Variants in TBC1D1 observed in about 807,000 individuals in gnomAD.
TBC1D1 encodes the protein TBC1 (tre-2/USP6, BUB2, cdc16) domain family, member 1.
In TBC1D1, 89 loss-of-function variants were observed where a neutral mutation model predicts 125.6. That is an observed-to-expected ratio of 0.71 (90% confidence interval 0.60 to 0.85). TBC1D1 has a LOEUF of 0.85. Ranked by LOEUF, TBC1D1 falls within the 40% of genes least tolerant of loss-of-function variation. TBC1D1 has a pLI of 0.00. For synonymous variants in TBC1D1, 565 were observed against 564.1 expected (o/e 1.00, Z -0.02); for missense variants, 1,377 against 1,469.2 (o/e 0.94, Z 1.03).
At chr4:38,073,175 C>A (rs960751162) in intron 12 of TBC1D1, among the ~76,000 whole-genome samples, 2 of 152,148 alleles carry the variant, frequency 1.3e-5, no homozygotes, top group African/African-American at 4.8e-5. Context: ...TAGTGTAGTT[C>A]TGTGAGTAAC....
chr4:38,020,815 G>C, intron 5 of TBC1D1, 120 bp downstream of exon 5: 2 of 757,640 alleles, frequency 2.6e-6, no homozygotes, highest in Non-Finnish European at 2.2e-6. Context: ...TTTGTCTTTA[G>C]TTATTTACTT....
At chr4:37,911,881 T>C (rs1718703218) in intron 2 of TBC1D1, among the ~76,000 whole-genome samples, 1 of 152,218 alleles carries the variant, frequency 6.6e-6, no homozygotes, top group Admixed American at 6.5e-5. Flanking sequence ...AATAAATGCC[T>C]GCAGTTGTTT....
In TBC1D1 at chr4:38,027,845, A is replaced by T; in HGVS notation, c.1268A>T (p.Asn423Ile). Residue 423 changes from asparagine to isoleucine, a missense_variant, in exon 7 of 20, where the codon AAT becomes ATT. Around this residue, in one of 3 missense-constraint regions of TBC1D1, gnomAD observed 822 missense variants for 824.6 expected, o/e 1.00. Transcript: ENST00000261439. ...CAAAAGCACCTGACGACATTAACCA[A>T]TCAGGAGCAGGCGACTATTTTTGAA... 6.2e-7 allele frequency: 1 copy of T among 1,613,694 alleles called. No homozygotes were observed. Among genetic ancestry groups the T allele is most frequent in the East Asian group, 2.2e-5 (1 of 44,872 alleles).
intron 18 of TBC1D1, among the ~76,000 whole-genome samples, chr4:38,127,718 A>G (rs1268612114): frequency 2.0e-5 from 3 of 152,194 alleles, no homozygotes; most frequent in Admixed American, 6.5e-5. Context: ...CATAGGTATT[A>G]TAATTCCTAT....
intron 12 of TBC1D1, among the ~76,000 whole-genome samples, chr4:38,079,728 C>CAA (rs5857594): frequency 1.4e-3 from 197 of 140,996 alleles, no homozygotes; most frequent in African/African-American, 4.6e-3. Context: ...GACTCCATCT[C>CAA]AAAAAAAAAA....
chr4:38,106,163 T>G, intron 15 of TBC1D1, among the ~76,000 whole-genome samples: 1 of 152,182 alleles, frequency 6.6e-6, no homozygotes. Flanking sequence ...CAGCAGATGC[T>G]CAAAGAATAT....
At chr4:38,053,997 T>C (rs1751208518) in intron 11 of TBC1D1, among the ~76,000 whole-genome samples, 1 of 152,268 alleles carries the variant, frequency 6.6e-6, no homozygotes, top group African/African-American at 2.4e-5. Flanking sequence ...GTAATCTTTC[T>C]CTTTTCATGA....
At chr4:38,135,799 G>T (rs1334041080) in intron 19 of TBC1D1, among the ~76,000 whole-genome samples, 5 of 151,942 alleles carry the variant, frequency 3.3e-5, no homozygotes, top group Non-Finnish European at 7.4e-5. Context: ...TGGCACAAGT[G>T]TTGTCACATT....
chr4:38,010,824 C>T (rs76563269), intron 2 of TBC1D1, among the ~76,000 whole-genome samples: 6,083 of 152,242 alleles, frequency 0.04, 412 homozygotes, highest in African/African-American at 0.14. Context: ...TCTCAATTAC[C>T]GTAAAGGATC....
intron 2 of TBC1D1, among the ~76,000 whole-genome samples, chr4:37,914,171 A>G (rs1719219092): frequency 6.6e-6 from 1 of 152,098 alleles, no homozygotes; most frequent in Non-Finnish European, 1.5e-5. Flanking sequence ...GTTAACTACC[A>G]CCTAATTGAT....
intron 12 of TBC1D1, among the ~76,000 whole-genome samples, chr4:38,079,868 C>T (rs1251036904): frequency 3.9e-5 from 6 of 152,146 alleles, no homozygotes; most frequent in African/African-American, 1.2e-4. Context: ...TGTCACATAA[C>T]GTGAAATATC....
chr4:37,939,168 C>G (rs1222316114), intron 2 of TBC1D1, among the ~76,000 whole-genome samples: 3 of 152,156 alleles, frequency 2.0e-5, no homozygotes, highest in African/African-American at 4.8e-5. Flanking sequence ...CCTATTTCTC[C>G]ACATCCTCTC....
Position 38,091,693 on chromosome 4 carries a change from C to A in TBC1D1, c.2236+1576C>A, listed in dbSNP as rs531737176. Among the ~76,000 whole-genome samples, 172 of 152,302 alleles carry A rather than the reference C, an allele frequency of 1.1e-3. 1 individual carries two copies. The highest frequency in any genetic ancestry group is 4.0e-3 in the African/African-American group (166 of 41,564). On this transcript the variant is annotated intron_variant, in intron 13 of 19. Coordinates refer to ENST00000261439, the MANE Select transcript of TBC1D1 (RefSeq NM_015173.4). ...GCTGGCTTCTTTGTGGTGAGGACAG[C>A]TATAATTGGTGAGGCAAAACCAGTG...
At chr4:37,906,112 C>T (rs751809581) in intron 2 of TBC1D1, among the ~76,000 whole-genome samples, 22 of 152,148 alleles carry the variant, frequency 1.4e-4, no homozygotes, top group Non-Finnish European at 2.9e-4. Flanking sequence ...TCTGCTGCTG[C>T]AGGCTTCATC....
chr4:38,017,250 A>G (rs1742944943), intron 3 of TBC1D1, among the ~76,000 whole-genome samples: 1 of 152,244 alleles, frequency 6.6e-6, no homozygotes, highest in South Asian at 2.1e-4. Flanking sequence ...GAGACTAAAC[A>G]TACTCCAAAT....
At chr4:38,099,958 A>G (rs1409915018) in intron 14 of TBC1D1, among the ~76,000 whole-genome samples, 2 of 152,238 alleles carry the variant, frequency 1.3e-5, no homozygotes, top group African/African-American at 4.8e-5. Context: ...TGATTTAGTA[A>G]TAGGAAATTG....
chr4:37,992,684 T>C (rs6531599), intron 2 of TBC1D1, among the ~76,000 whole-genome samples: 64,522 of 151,270 alleles, frequency 0.43, 14,252 homozygotes, highest in East Asian at 0.6. Flanking sequence ...TTAGTAGAGA[T>C]GGGGTTTCAC....
chr4:38,006,717 G>T (rs1418344063), intron 2 of TBC1D1: 4 of 361,500 alleles, frequency 1.1e-5, no homozygotes, highest in African/African-American at 4.3e-5. Flanking sequence ...CTGACCTTGT[G>T]ATCCGCCCAC....
chr4:38,120,108 G>C, intron 17 of TBC1D1: 6 of 985,396 alleles, frequency 6.1e-6, no homozygotes, highest in Non-Finnish European at 7.2e-6. Flanking sequence ...AGCTTGTAAA[G>C]GTAAGATATT....
Sources: allele counts gnomAD v4.1 joint callset (sites outside exome capture counted in the v4.1 genomes callset), GRCh38; gene constraint gnomAD v4.1.1; regional missense constraint gnomAD v4.1.1; transcripts MANE v1.5; gene names NCBI Gene and HGNC (gene_info 2026-07-23, HGNC 2026-07-21).